The following FRMPD1 variants were observed in gnomAD, a reference collection of about 807,000 sequenced individuals.
FRMPD1 encodes the protein FERM and PDZ domain-containing protein 1.
A neutral mutation model predicts 117.8 loss-of-function variants in FRMPD1; 76 were observed. The ratio of observed to expected loss-of-function variants is 0.65; its 90% CI spans 0.54 to 0.78. The LOEUF (loss-of-function observed/expected upper bound fraction) is 0.78, where lower values mean the gene tolerates loss of function less well. Among genes scored for constraint, FRMPD1 ranks in the 30% least tolerant of loss-of-function variants. The pLI is 0.00. For missense variants in FRMPD1, 1,786 were observed against 1,964.5 expected (o/e 0.91, Z 1.72); for synonymous variants, 783 against 770.4 (o/e 1.02, Z -0.27).
At chr9:37,736,125 C>T (rs576505494) in intron 13 of FRMPD1, among the ~76,000 whole-genome samples, 32 of 151,970 alleles carry the variant, frequency 2.1e-4, no homozygotes, top group African/African-American at 7.7e-4. Flanking sequence ...CTCAGCCTCC[C>T]AAGTAGCTGG....
At chr9:37,682,885 A>G (rs1203884452) in intron 1 of FRMPD1, among the ~76,000 whole-genome samples, 1 of 152,250 alleles carries the variant, frequency 6.6e-6, no homozygotes, top group Non-Finnish European at 1.5e-5. Flanking sequence ...TAAAATTAAG[A>G]TACAATTCAC....
At chr9:37,645,475 A>AT in the FRMPD1 span, among the ~76,000 whole-genome samples, 1 of 152,192 alleles carries the variant, frequency 6.6e-6, no homozygotes, top group Non-Finnish European at 1.5e-5. Flanking sequence ...ATAAATCCAG[A>AT]TATCAGACAT....
chr9:37,728,669 T>C (rs1823721466), intron 7 of FRMPD1, among the ~76,000 whole-genome samples: 1 of 152,082 alleles, frequency 6.6e-6, no homozygotes, highest in African/African-American at 2.4e-5. Context: ...TTCAAAAGTG[T>C]CCCTCAGTTG....
rs573955616 is a variant in FRMPD1, at chr9:37,667,062, C to CTTTTTTTTTTT, written c.-5+15974_-5+15984dup. 6.8e-4 allele frequency among the ~76,000 whole-genome samples: 75 copies of CTTTTTTTTTTT among 111,030 alleles called. 4 individuals are homozygous for CTTTTTTTTTTT. Among genetic ancestry groups the CTTTTTTTTTTT allele is most frequent in the South Asian group, 1.9e-3 (6 of 3,208 alleles). 72.8% of individuals were successfully genotyped at this position (111,030 alleles called of 152,430 possible). On this transcript the variant is annotated intron_variant, in intron 1 of 15. Coordinates refer to ENST00000377765, the MANE Select transcript of FRMPD1 (RefSeq NM_014907.3). ...GGAAAAGAGAGACAATTGAAGCATGCTTTTTTTTTTTTTTTTCCTGAGACA... is the reference window on the plus strand; with the variant it reads ...GGAAAAGAGAGACAATTGAAGCATGCTTTTTTTTTTTTTTTTTTTTTTTTTTTCCTGAGACA...
chr9:37,611,551 A>G, the FRMPD1 span, among the ~76,000 whole-genome samples: 16 of 152,356 alleles, frequency 1.1e-4, no homozygotes, highest in Admixed American at 9.1e-4. Context: ...GATGAAATTA[A>G]ATATGTGCAC....
chr9:37,740,056 G>C lies in FRMPD1; in HGVS notation c.1550-22G>C, dbSNP rs777199846. The C allele has an allele frequency of 4.6e-6, 7 of 1,526,966 alleles. No individual in the cohort carries two copies. The highest frequency in any genetic ancestry group is 5.3e-6 in the Non-Finnish European group (6 of 1,122,664). 94.6% of individuals were successfully genotyped at this position (1,526,966 alleles called of 1,614,324 possible). ...GGTAGGAGAATTCTGTTGTGTAACT[G>C]TTGCTGTACCCTGTGTTGCAGGCTA... On this transcript the variant is annotated intron_variant, in intron 14 of 15. Coordinates refer to ENST00000377765, the MANE Select transcript of FRMPD1 (RefSeq NM_014907.3). This position sits in a 1 kb window ranked among gnomAD's most constrained non-coding sequence, Gnocchi z 4.2.
At chr9:37,626,724 G>A in the FRMPD1 span, among the ~76,000 whole-genome samples, 87 of 151,232 alleles carry the variant, frequency 5.8e-4, no homozygotes, top group Non-Finnish European at 1.1e-3. Context: ...AGGTGATAGA[G>A]GTTGCATTGA....
rs115871101 is a variant in FRMPD1 at position 37,721,632 on chromosome 9, A to G, written c.516+2456A>G. Reference sequence around the variant, plus strand: ...TAATGACTGCTATAAAAAATGACCCAGAGATTGCATTCCTGTTAGTCTATA... The same window carrying G: ...TAATGACTGCTATAAAAAATGACCCGGAGATTGCATTCCTGTTAGTCTATA... On this transcript the variant is annotated intron_variant, in intron 6 of 15. Transcript: ENST00000377765. Among the ~76,000 whole-genome samples, 1,041 of 152,332 alleles carry G rather than the reference A, an allele frequency of 6.8e-3. 8 individuals carry two copies. The highest frequency in any genetic ancestry group is 0.023 in the African/African-American group (971 of 41,580).
At chr9:37,637,302 C>T in the FRMPD1 span, 3 of 1,340,486 alleles carry the variant, frequency 2.2e-6, no homozygotes, top group African/African-American at 2.9e-5. Context: ...ATGGCGGCGG[C>T]GGAAGCCCGC....
At chr9:37,685,409 C>A (rs866986530) in intron 1 of FRMPD1, among the ~76,000 whole-genome samples, 1 of 151,688 alleles carries the variant, frequency 6.6e-6, no homozygotes, top group Non-Finnish European at 1.5e-5. Context: ...TTTGGGAGGC[C>A]AAGGCGGGCG....
intron 2 of FRMPD1, among the ~76,000 whole-genome samples, chr9:37,701,143 A>C (rs1822514178): frequency 1.3e-5 from 2 of 152,208 alleles, no homozygotes; most frequent in South Asian, 4.1e-4. Flanking sequence ...TCATTTGTCC[A>C]CCATTGTGGA....
At position 37,743,136 on chromosome 9, in the gene FRMPD1, T is replaced by C. The variant is rs553780149; in HGVS notation, c.2357-1253T>C. On this transcript the variant is annotated intron_variant, in intron 15 of 15. Coordinates refer to ENST00000377765, the MANE Select transcript of FRMPD1 (RefSeq NM_014907.3). ...GGGTTCTTTACAATAGTGCCTCTCC[T>C]CCCAGAAAGATCCATCCTGGGATGC... 5.3e-5 allele frequency among the ~76,000 whole-genome samples: 8 copies of C among 152,292 alleles called. No homozygotes were observed. The South Asian group carries it at 1.5e-3, about 28-fold the overall frequency.
intron 5 of FRMPD1, among the ~76,000 whole-genome samples, chr9:37,712,250 A>G (rs1372569674): frequency 2.0e-5 from 3 of 152,256 alleles, no homozygotes; most frequent in Non-Finnish European, 4.4e-5. Flanking sequence ...CCATTCAGCC[A>G]TTTGGAAATA....
At chr9:37,647,486 T>C (rs184638532), upstream of FRMPD1, among the ~76,000 whole-genome samples, 4 of 139,256 alleles carry the variant, frequency 2.9e-5, no homozygotes, top group Admixed American at 2.4e-4. Context: ...CACTCCAGCC[T>C]GGGCGAAGAG....
In FRMPD1 at chr9:37,661,384, T is replaced by C. The variant is rs532080498; in HGVS notation, c.-5+10290T>C. 8.0e-4 allele frequency among the ~76,000 whole-genome samples: 122 copies of C among 152,332 alleles called. 1 individual carries two copies. In the Middle Eastern group the frequency reaches 0.014, roughly 17 times the overall value. ...CATGTTAAGCTTACAGAAAAGAAGA[T>C]ACAGGGAGGATATAATGACCCCTGT... On this transcript the variant is annotated intron_variant, in intron 1 of 15. Coordinates refer to ENST00000377765, the MANE Select transcript of FRMPD1 (RefSeq NM_014907.3).
chr9:37,643,884 T>C, the FRMPD1 span, among the ~76,000 whole-genome samples: 1 of 152,154 alleles, frequency 6.6e-6, no homozygotes, highest in African/African-American at 2.4e-5. Context: ...TTTAGGATCT[T>C]TGGACACTCC....
chr9:37,727,877 C>A (rs1823682744), intron 7 of FRMPD1: 1 of 152,196 alleles, frequency 6.6e-6, no homozygotes, highest in Non-Finnish European at 1.5e-5. Flanking sequence ...TGGTGCGAGA[C>A]TTACTGCGTT....
At chr9:37,703,620 A>G (rs1348881742) in intron 2 of FRMPD1, among the ~76,000 whole-genome samples, 1 of 152,200 alleles carries the variant, frequency 6.6e-6, no homozygotes, top group African/African-American at 2.4e-5. Context: ...TGCAACTGTC[A>G]CAAGTCCATT....
At position 37,745,270 on chromosome 9, in the gene FRMPD1, GA is replaced by G; in HGVS notation, c.3239del (p.Asp1080ValfsTer10). ...CACAGAGCCTTTGTTGTCTCCTAGA[GA>G]TGAGCCTAGAAGTGATGAATGTGGA... ...KYTEPLLSPRDEPRSDECGIN... is the reference protein window; with the variant it reads ...KYTEPLLSPRXEPRSDECGIN... On this transcript the variant is annotated frameshift_variant, in exon 16 of 16. Coordinates refer to ENST00000377765, the MANE Select transcript of FRMPD1 (RefSeq NM_014907.3). LOFTEE classifies it low-confidence loss of function (END_TRUNC). 6.2e-7 allele frequency: 1 copy of G among 1,612,594 alleles called. No homozygotes were observed. The highest frequency in any genetic ancestry group is 8.5e-7 in the Non-Finnish European group (1 of 1,178,570).
Sources: allele counts gnomAD v4.1 joint callset (sites outside exome capture counted in the v4.1 genomes callset), GRCh38; gene constraint gnomAD v4.1.1; non-coding constraint Gnocchi (gnomAD v3.1); transcripts MANE v1.5; gene names NCBI Gene and HGNC (gene_info 2026-07-23, HGNC 2026-07-21).